The following GNAQ variants were observed in gnomAD, a reference collection of about 807,000 sequenced individuals.
The protein encoded by GNAQ is guanine nucleotide-binding protein G(q) subunit alpha.
A neutral mutation model predicts 43.9 loss-of-function variants in GNAQ; 8 were observed. The ratio of observed to expected loss-of-function variants is 0.18; its 90% CI spans 0.11 to 0.33. The LOEUF (loss-of-function observed/expected upper bound fraction) is 0.33. Among genes scored for constraint, GNAQ ranks in the 10% least tolerant of loss-of-function variants. GNAQ has a pLI of 1.00. For missense variants in GNAQ, 158 were observed against 450.8 expected, an observed-to-expected ratio of 0.35 and a Z score of 5.88; for synonymous variants, 155 against 170.7, an observed-to-expected ratio of 0.91 and a Z score of 0.71.
At chr9:77,946,755 TG>T (rs1822905328) in intron 1 of GNAQ, among the ~76,000 whole-genome samples, 1 of 152,256 alleles carries the variant, frequency 6.6e-6, no homozygotes, top group Admixed American at 6.5e-5. Flanking sequence ...CAGTAACACA[TG>T]GGTTAAAGCC....
intron 2 of GNAQ, 131 bp from the exon 3 acceptor site, chr9:77,815,901 A>T: frequency 1.8e-6 from 1 of 551,920 alleles, no homozygotes; most frequent in Non-Finnish European, 3.1e-6. Context: ...GTTTACAATA[A>T]AGTCATGTTT....
intron 2 of GNAQ, among the ~76,000 whole-genome samples, chr9:77,864,066 T>A (rs912733744): frequency 1.3e-5 from 2 of 151,590 alleles, no homozygotes; most frequent in Admixed American, 6.6e-5. Context: ...CACCTGCATC[T>A]GGGGAGGACC....
intron 5 of GNAQ, among the ~76,000 whole-genome samples, chr9:77,749,316 AG>A (rs1302105678): frequency 6.6e-6 from 1 of 152,206 alleles, no homozygotes; most frequent in Admixed American, 6.5e-5. Context: ...TTATAAAGTG[AG>A]GGGTCTTGGG....
At chr9:77,961,810 C>A (rs2118423259) in intron 1 of GNAQ, among the ~76,000 whole-genome samples, 1 of 152,158 alleles carries the variant, frequency 6.6e-6, no homozygotes, top group East Asian at 1.9e-4. Flanking sequence ...GCATCTTACC[C>A]AAAACTATCA....
intron 5 of GNAQ, among the ~76,000 whole-genome samples, chr9:77,790,195 C>T (rs1405044192): frequency 6.6e-6 from 1 of 152,144 alleles, no homozygotes; most frequent in African/African-American, 2.4e-5. Context: ...CGATCAGAGA[C>T]CAGATATCTT....
At chr9:77,744,281 C>T (rs943700959) in intron 5 of GNAQ, among the ~76,000 whole-genome samples, 4 of 152,188 alleles carry the variant, frequency 2.6e-5, no homozygotes, top group African/African-American at 9.7e-5. Flanking sequence ...GGAACCAGGA[C>T]TAACTGTGGG....
At chr9:77,983,623 T>C (rs986337382) in intron 1 of GNAQ, among the ~76,000 whole-genome samples, 11 of 152,198 alleles carry the variant, frequency 7.2e-5, no homozygotes, top group Admixed American at 5.9e-4. Context: ...CTTTTGCCTC[T>C]TTCTTTCAAG....
chr9:77,785,404 G>A (rs780780731), intron 5 of GNAQ, among the ~76,000 whole-genome samples: 13 of 152,194 alleles, frequency 8.5e-5, no homozygotes, highest in African/African-American at 2.4e-4. Flanking sequence ...CAGAACCGGG[G>A]AGAATAAGTT....
chr9:78,030,967 G>A (rs900350694), intron 1 of GNAQ, 133 bp downstream of exon 1: 1 of 496,022 alleles, frequency 2.0e-6, no homozygotes, highest in Non-Finnish European at 3.1e-6. Context: ...GGCAGTGGCC[G>A]GGGGCGCGCC....
chr9:77,891,078 T>C (rs1828397822), intron 2 of GNAQ, among the ~76,000 whole-genome samples: 1 of 152,236 alleles, frequency 6.6e-6, no homozygotes, highest in African/African-American at 2.4e-5. Context: ...CTTAACTTTC[T>C]AATTCATTAA....
At chr9:77,989,292 G>A (rs1823480062) in intron 1 of GNAQ, among the ~76,000 whole-genome samples, 1 of 152,128 alleles carries the variant, frequency 6.6e-6, no homozygotes, top group Admixed American at 6.5e-5. Flanking sequence ...ACATTTGCCA[G>A]CAAAGGCCCA....
At chr9:78,027,687 G>A (rs1032565807) in intron 1 of GNAQ, among the ~76,000 whole-genome samples, 1 of 150,806 alleles carries the variant, frequency 6.6e-6, no homozygotes, top group African/African-American at 2.4e-5. Flanking sequence ...GGAGGCGGAG[G>A]TTGCAGTGAA....
In GNAQ at chr9:77,719,059, G is replaced by T. The variant is rs901349253; in HGVS notation, c.*2264C>A. On this transcript the variant is annotated 3_prime_UTR_variant, in exon 7 of 7. Transcript: ENST00000286548. ...TTATAATCAGTATACCTCTACTCAG[G>T]AATGTGCAAATGATTTTATACAGCA... 1 of 230,718 alleles carries T rather than the reference G, an allele frequency of 4.3e-6. No individual in the cohort carries two copies. Among genetic ancestry groups the T allele is most frequent in the East Asian group, 6.1e-5 (1 of 16,366 alleles). The allele number at this position is 230,718 out of a possible 1,614,324, so 14.3% of individuals were successfully genotyped here.
At chr9:77,796,089 T>C (rs557314648) in intron 4 of GNAQ, among the ~76,000 whole-genome samples, 40 of 152,310 alleles carry the variant, frequency 2.6e-4, no homozygotes, top group African/African-American at 8.4e-4. Context: ...GTAAGTAATA[T>C]AGAATGCTGG....
At chr9:77,744,461 A>G (rs1467882468) in intron 5 of GNAQ, among the ~76,000 whole-genome samples, 5 of 152,182 alleles carry the variant, frequency 3.3e-5, no homozygotes, top group Non-Finnish European at 5.9e-5. Context: ...TCTACTGTGT[A>G]ATTACATAGC....
At chr9:77,950,608 G>C (rs1380745030) in intron 1 of GNAQ, among the ~76,000 whole-genome samples, 1 of 152,196 alleles carries the variant, frequency 6.6e-6, no homozygotes, top group East Asian at 1.9e-4. Flanking sequence ...GGAGGAAATG[G>C]GGAAGGAGAA....
chr9:77,929,857 G>T (rs1212394351), intron 1 of GNAQ, among the ~76,000 whole-genome samples: 1 of 151,862 alleles, frequency 6.6e-6, no homozygotes, highest in Non-Finnish European at 1.5e-5. Flanking sequence ...TTTAAAACCT[G>T]CAACAATACT....
chr9:77,886,422 C>CT (rs1828307283), intron 2 of GNAQ, among the ~76,000 whole-genome samples: 2 of 147,682 alleles, frequency 1.4e-5, no homozygotes, highest in Non-Finnish European at 3.0e-5. Context: ...TGGTTAATCT[C>CT]TAGTGTTCCA....
chr9:77,894,946 T>C (rs1828474922), intron 2 of GNAQ, among the ~76,000 whole-genome samples: 1 of 151,510 alleles, frequency 6.6e-6, no homozygotes, highest in Non-Finnish European at 1.5e-5. Context: ...TCCCAGCACT[T>C]TGGGAGGCCA....
Sources: allele counts gnomAD v4.1 joint callset (sites outside exome capture counted in the v4.1 genomes callset), GRCh38; gene constraint gnomAD v4.1.1; transcripts MANE v1.5; gene names NCBI Gene and HGNC (gene_info 2026-07-23, HGNC 2026-07-21).